The following WDR25 variants were observed in gnomAD, a reference collection of about 807,000 sequenced individuals.
The protein encoded by WDR25 is WD repeat-containing protein 25.
WDR25 carries 35 observed loss-of-function variants against 47.7 expected under a neutral mutation model. The ratio of observed to expected loss-of-function variants is 0.73; its 90% CI spans 0.56 to 0.97. The LOEUF is 0.97. WDR25 is among the 50% of genes least tolerant of loss of function. The probability of loss-of-function intolerance (pLI) is 0.00; values close to 1 mark genes in which losing one functional copy is unlikely to be tolerated. For missense variants in WDR25, 634 were observed against 704.7 expected (o/e 0.90, Z 1.14); for synonymous variants, 248 against 278.9 (o/e 0.89, Z 1.10).
chr14:100,471,424 G>A (rs143218062), intron 3 of WDR25, among the ~76,000 whole-genome samples: 3 of 152,328 alleles, frequency 2.0e-5, no homozygotes, highest in African/African-American at 7.2e-5. Context: ...CCCACCTCCA[G>A]CTTTTGGTAA....
intron 2 of WDR25, among the ~76,000 whole-genome samples, chr14:100,453,363 T>G (rs1899102065): frequency 6.6e-6 from 1 of 152,194 alleles, no homozygotes; most frequent in African/African-American, 2.4e-5. Flanking sequence ...ACAGGCAACC[T>G]CTCTATGCTT....
intron 2 of WDR25, among the ~76,000 whole-genome samples, chr14:100,405,620 C>A (rs1162071600): frequency 6.6e-6 from 1 of 152,228 alleles, no homozygotes; most frequent in Non-Finnish European, 1.5e-5. Context: ...TGTTTGGGAG[C>A]CTGCTTGGAG....
intron 5 of WDR25, 137 bp downstream of exon 5, chr14:100,526,177 G>A: frequency 9.1e-7 from 1 of 1,100,494 alleles, no homozygotes; most frequent in Non-Finnish European, 1.3e-6. Context: ...AGGGTAGTCA[G>A]GTCTCAGCCT....
At chr14:100,408,754 G>C (rs1449489517) in intron 2 of WDR25, among the ~76,000 whole-genome samples, 1 of 152,196 alleles carries the variant, frequency 6.6e-6, no homozygotes, top group African/African-American at 2.4e-5. Context: ...AGAGTACGCA[G>C]ACCTTCCGGC....
At chr14:100,389,310 C>T (rs1566885282) in intron 2 of WDR25, among the ~76,000 whole-genome samples, 1 of 152,146 alleles carries the variant, frequency 6.6e-6, no homozygotes, top group African/African-American at 2.4e-5. Flanking sequence ...ATGGTAGGTA[C>T]TTTGTTTTTG....
At position 100,425,558 on chromosome 14, in the gene WDR25, C is replaced by T. The variant is rs1898144817; in HGVS notation, c.823-42463C>T. On this transcript the variant is annotated intron_variant, in intron 2 of 6. Transcript: ENST00000402312. The surrounding 1 kb of genome is among the most constrained non-coding windows in gnomAD (Gnocchi z 4.8). ...ACTTTTGCACGTTACAGTAGAGGTCCCTGGCAGCCCAGCTCTCCTAAACAT... is the reference window on the plus strand; with the variant it reads ...ACTTTTGCACGTTACAGTAGAGGTCTCTGGCAGCCCAGCTCTCCTAAACAT... Among the ~76,000 whole-genome samples, 1 of 152,158 alleles carries T rather than the reference C, an allele frequency of 6.6e-6. No homozygotes were observed. The highest frequency in any genetic ancestry group is 2.4e-5 in the African/African-American group (1 of 41,428).
At chr14:100,426,134 C>T (rs1260176370) in intron 2 of WDR25, among the ~76,000 whole-genome samples, 3 of 152,218 alleles carry the variant, frequency 2.0e-5, no homozygotes, top group African/African-American at 7.2e-5. Context: ...CCCACTAACT[C>T]TTGTGGTTAA....
At chr14:100,423,940 T>G (rs1283907378) in intron 2 of WDR25, among the ~76,000 whole-genome samples, 1 of 152,200 alleles carries the variant, frequency 6.6e-6, no homozygotes, top group African/African-American at 2.4e-5. Flanking sequence ...CCATACCTTA[T>G]GATGGGGCAC....
At chr14:100,453,744 C>G (rs1387357097) in intron 2 of WDR25, among the ~76,000 whole-genome samples, 1 of 152,130 alleles carries the variant, frequency 6.6e-6, no homozygotes, top group Non-Finnish European at 1.5e-5. Flanking sequence ...AGCTGATGGC[C>G]CCCAGAAGCC....
At chr14:100,395,941 CAA>C (rs917403785) in intron 2 of WDR25, among the ~76,000 whole-genome samples, 1 of 145,090 alleles carries the variant, frequency 6.9e-6, no homozygotes, top group African/African-American at 2.5e-5. Context: ...GGAGCTAAAT[CAA>C]AGTGATGATT....
intron 4 of WDR25, among the ~76,000 whole-genome samples, chr14:100,495,234 A>G (rs1188179607): frequency 6.6e-6 from 1 of 151,852 alleles, no homozygotes; most frequent in East Asian, 1.9e-4. Context: ...GCAGGCACCT[A>G]TAATCCCAGC....
chr14:100,414,355 C>T (rs1285001942), intron 2 of WDR25, among the ~76,000 whole-genome samples: 3 of 146,246 alleles, frequency 2.1e-5, no homozygotes, highest in African/African-American at 7.8e-5. Context: ...CTCTGTCACC[C>T]AGGCTGGAGT....
intron 4 of WDR25, among the ~76,000 whole-genome samples, chr14:100,510,282 AAT>A (rs1325789081): frequency 1.4e-5 from 2 of 147,958 alleles, no homozygotes; most frequent in African/African-American, 2.5e-5. Context: ...AAAAAAAAAA[AAT>A]TAATTTTTAG....
At chr14:100,400,409 C>T (rs1897350643) in intron 2 of WDR25, among the ~76,000 whole-genome samples, 1 of 152,202 alleles carries the variant, frequency 6.6e-6, no homozygotes, top group African/African-American at 2.4e-5. Flanking sequence ...GACTCAGGCC[C>T]AGCTTGTTGG....
At chr14:100,514,975 A>G (rs1415143617) in intron 4 of WDR25, among the ~76,000 whole-genome samples, 1 of 152,200 alleles carries the variant, frequency 6.6e-6, no homozygotes, top group East Asian at 1.9e-4. Context: ...TATGCTAGGT[A>G]AAGAATTTGG....
In WDR25 at chr14:100,449,590, A is replaced by T. The variant is rs1898956657; in HGVS notation, c.823-18431A>T. ...CAGCCAGGACACTCTGCCTCCACCC[A>T]GACTGGGCCTTCAGAAGGAATTAAG... On this transcript the variant is annotated intron_variant, in intron 2 of 6. Coordinates refer to ENST00000402312, the MANE Select transcript of WDR25 (RefSeq NM_001161476.3). This position sits in a 1 kb window ranked among gnomAD's most constrained non-coding sequence, Gnocchi z 4.2. Among the ~76,000 whole-genome samples, 1 of 152,240 alleles carries T rather than the reference A, an allele frequency of 6.6e-6. No homozygotes were observed. The highest frequency in any genetic ancestry group is 2.4e-5 in the African/African-American group (1 of 41,460).
chr14:100,389,139 A>G (rs1897082880), intron 2 of WDR25, among the ~76,000 whole-genome samples: 1 of 152,204 alleles, frequency 6.6e-6, no homozygotes, highest in South Asian at 2.1e-4. Flanking sequence ...AATTTGTTTT[A>G]TCATAAAAGT....
intron 2 of WDR25, among the ~76,000 whole-genome samples, chr14:100,465,471 G>C (rs1899599056): frequency 6.6e-6 from 1 of 152,132 alleles, no homozygotes; most frequent in Non-Finnish European, 1.5e-5. Flanking sequence ...TTGTCCTTAT[G>C]TGTCTGGCTT....
chr14:100,469,331 G>A (rs770392337), intron 3 of WDR25, among the ~76,000 whole-genome samples: 1 of 152,174 alleles, frequency 6.6e-6, no homozygotes, highest in Non-Finnish European at 1.5e-5. Flanking sequence ...TGCTCAGTAG[G>A]GGAGGGGACA....
Sources: gnomAD v4.1 joint callset for allele counts (sites outside exome capture counted in the v4.1 genomes callset) on GRCh38, gnomAD v4.1.1 for gene constraint, Gnocchi (gnomAD v3.1) non-coding constraint, MANE v1.5 for transcripts, NCBI Gene and HGNC (gene_info 2026-07-23, HGNC 2026-07-21) for gene names.